STK32B: variants seen among roughly 807,000 people sequenced by gnomAD.
STK32B encodes the protein serine/threonine kinase 32B.
STK32B carries 43 observed loss-of-function variants against 52.6 expected under a neutral mutation model. The ratio of observed to expected loss-of-function variants is 0.82; its 90% CI spans 0.64 to 1.05. The LOEUF (loss-of-function observed/expected upper bound fraction) is 1.05, where lower values mean the gene tolerates loss of function less well. STK32B is among the 50% of genes least tolerant of loss of function. The probability of loss-of-function intolerance (pLI) is 0.00; values close to 1 mark genes in which losing one functional copy is unlikely to be tolerated. For synonymous variants in STK32B, 238 were observed against 204.3 expected, an observed-to-expected ratio of 1.17 and a Z score of -1.41; for missense variants, 621 against 534.6, an observed-to-expected ratio of 1.16 and a Z score of -1.59.
intron 3 of STK32B, among the ~76,000 whole-genome samples, chr4:5,310,988 A>C (rs1730256231): frequency 6.6e-6 from 1 of 152,326 alleles, no homozygotes; most frequent in Admixed American, 6.5e-5. Flanking sequence ...TGAGCTAAAA[A>C]TTTGATCTCA....
At chr4:5,439,854 A>G (rs1364102105) in intron 6 of STK32B, among the ~76,000 whole-genome samples, 1 of 151,824 alleles carries the variant, frequency 6.6e-6, no homozygotes, top group Non-Finnish European at 1.5e-5. Flanking sequence ...CATTTATTAA[A>G]TAGGGAATCC....
At chr4:5,119,010 T>G (rs899494803) in intron 1 of STK32B, among the ~76,000 whole-genome samples, 7 of 152,186 alleles carry the variant, frequency 4.6e-5, no homozygotes, top group African/African-American at 1.7e-4. Flanking sequence ...CTAATTTTCT[T>G]CCCTACCTAC....
At chr4:5,329,512 C>T (rs545744527) in intron 3 of STK32B, among the ~76,000 whole-genome samples, 4 of 152,312 alleles carry the variant, frequency 2.6e-5, no homozygotes, top group African/African-American at 9.6e-5. Context: ...CCACCTTCAC[C>T]TGCTAGAGCA....
At chr4:5,101,743 C>T (rs757841046) in intron 1 of STK32B, among the ~76,000 whole-genome samples, 4 of 152,080 alleles carry the variant, frequency 2.6e-5, no homozygotes, top group East Asian at 1.9e-4. Flanking sequence ...ATGACAAAAC[C>T]GCAACCAAAA....
chr4:5,164,148 G>A (rs1010502863), intron 2 of STK32B, among the ~76,000 whole-genome samples: 38 of 152,170 alleles, frequency 2.5e-4, no homozygotes, highest in African/African-American at 8.0e-4. Flanking sequence ...TTAAAACAGT[G>A]GAAATTTATT....
intron 3 of STK32B, among the ~76,000 whole-genome samples, chr4:5,224,596 T>TAA (rs1723747312): frequency 6.6e-6 from 1 of 152,188 alleles, no homozygotes; most frequent in Non-Finnish European, 1.5e-5. Context: ...ACTTCTTTAC[T>TAA]CCCTGGTGGT....
intron 11 of STK32B, among the ~76,000 whole-genome samples, chr4:5,482,068 G>A (rs1219109721): frequency 6.6e-6 from 1 of 152,154 alleles, no homozygotes; most frequent in Non-Finnish European, 1.5e-5. Flanking sequence ...GGCAATGTGG[G>A]CTCTATTTTG....
Position 5,268,538 on chromosome 4 carries a change from GGTGTGTGTGTGTGTGT to G in STK32B, c.261-62651_261-62636del, listed in dbSNP as rs10593272. 4.5e-3 allele frequency among the ~76,000 whole-genome samples: 635 copies of G among 140,186 alleles called. 3 individuals carry two copies. Among genetic ancestry groups the G allele is most frequent in the African/African-American group, 0.014 (535 of 38,580 alleles). 92.0% of individuals were successfully genotyped at this position (140,186 alleles called of 152,430 possible). On this transcript the variant is annotated intron_variant, in intron 3 of 11. Transcript: ENST00000282908. ...AGCACTATTTGAAGTTGCTTGGTGT[GGTGTGTGTGTGTGTGT>G]GTGTGTGTGTGTGTGTGTGTGTGTG...
chr4:5,479,508 C>T (rs1718516325), intron 11 of STK32B, among the ~76,000 whole-genome samples: 1 of 152,114 alleles, frequency 6.6e-6, no homozygotes, highest in South Asian at 2.1e-4. Flanking sequence ...GAAAGCAGAC[C>T]TAAGGCCAGT....
chr4:5,371,725 A>G (rs1472468900), intron 4 of STK32B, among the ~76,000 whole-genome samples: 2 of 152,220 alleles, frequency 1.3e-5, no homozygotes. Flanking sequence ...CAACCCTGCC[A>G]CTGCAACAAG....
At chr4:5,217,751 C>A (rs1723268097) in intron 3 of STK32B, among the ~76,000 whole-genome samples, 1 of 151,994 alleles carries the variant, frequency 6.6e-6, no homozygotes, top group Admixed American at 6.6e-5. Context: ...TGTCAGAGTC[C>A]CCAGTAGAAA....
At chr4:5,205,695 C>CAA (rs1553850491) in intron 3 of STK32B, among the ~76,000 whole-genome samples, 2 of 60,194 alleles carry the variant, frequency 3.3e-5, no homozygotes, top group African/African-American at 7.1e-5. Flanking sequence ...CTAGACCAGG[C>CAA]GCGCGCGCGT....
At chr4:5,273,991 TAAAAA>T (rs549792517) in intron 3 of STK32B, among the ~76,000 whole-genome samples, 2 of 149,052 alleles carry the variant, frequency 1.3e-5, no homozygotes, top group Non-Finnish European at 3.0e-5. Flanking sequence ...TAAAGTATAA[TAAAAA>T]AAAAGAAACA....
Position 5,394,724 on chromosome 4 carries a change from A to G in STK32B, c.435-3483A>G, listed in dbSNP as rs1172527463. Reference sequence around the variant, plus strand: ...CTGTGTGAAGTGCTGAACAAATGTCATCTCATTGTACACTCAGCAACAGTG... The same window carrying G: ...CTGTGTGAAGTGCTGAACAAATGTCGTCTCATTGTACACTCAGCAACAGTG... On this transcript the variant is annotated intron_variant, in intron 4 of 11. Coordinates refer to ENST00000282908, the MANE Select transcript of STK32B (RefSeq NM_018401.3). This position sits in a 1 kb window ranked among gnomAD's most constrained non-coding sequence, Gnocchi z 4.2. Among the ~76,000 whole-genome samples, 2 of 152,222 alleles carry G rather than the reference A, an allele frequency of 1.3e-5. No homozygotes were observed. The highest frequency in any genetic ancestry group is 4.8e-5 in the African/African-American group (2 of 41,450).
chr4:5,227,527 T>A (rs1723960084), intron 3 of STK32B, among the ~76,000 whole-genome samples: 1 of 152,200 alleles, frequency 6.6e-6, no homozygotes, highest in African/African-American at 2.4e-5. Context: ...AAAGACGAAT[T>A]TTCACTTGAA....
At chr4:5,125,644 G>A (rs575612306) in intron 1 of STK32B, among the ~76,000 whole-genome samples, 1 of 152,264 alleles carries the variant, frequency 6.6e-6, no homozygotes, top group Admixed American at 6.5e-5. Flanking sequence ...ATATGTCTGG[G>A]CTCCAGGGTC....
chr4:5,443,363 C>T (rs1261569929), intron 6 of STK32B, among the ~76,000 whole-genome samples: 1 of 151,882 alleles, frequency 6.6e-6, no homozygotes, highest in Non-Finnish European at 1.5e-5. Context: ...TTTCATCTTC[C>T]ATTGCTGATA....
intron 3 of STK32B, among the ~76,000 whole-genome samples, chr4:5,296,781 T>A (rs922730016): frequency 2.0e-5 from 3 of 152,228 alleles, no homozygotes; most frequent in Non-Finnish European, 4.4e-5. Context: ...TTAATATTGT[T>A]ACGTGTGAAT....
intron 3 of STK32B, among the ~76,000 whole-genome samples, chr4:5,206,134 G>A (rs1256403019): frequency 6.6e-5 from 10 of 152,188 alleles, no homozygotes. Context: ...TGATAGAGAA[G>A]TAGTTATGGG....
Sources: allele counts gnomAD v4.1 joint callset (sites outside exome capture counted in the v4.1 genomes callset), GRCh38; gene constraint gnomAD v4.1.1; non-coding constraint Gnocchi (gnomAD v3.1); transcripts MANE v1.5; gene names NCBI Gene and HGNC (gene_info 2026-07-23, HGNC 2026-07-21).